The following KIAA1671 variants were observed in gnomAD, a reference collection of about 807,000 sequenced individuals.
KIAA1671 encodes the protein KIAA1671.
Under a neutral mutation model 131.2 loss-of-function variants are expected in KIAA1671, and 52 were observed. The ratio of observed to expected loss-of-function variants is 0.40; its 90% CI spans 0.32 to 0.50. The LOEUF is 0.50. Among genes scored for constraint, KIAA1671 ranks in the 20% least tolerant of loss-of-function variants. KIAA1671 has a pLI of 0.73. For missense variants in KIAA1671, 2,360 were observed against 2,364.2 expected (o/e 1.00, Z 0.04); for synonymous variants, 1,003 against 961.6 (o/e 1.04, Z -0.80).
chr22:24,969,516 T>C (rs1011221003), intron 1 of KIAA1671, among the ~76,000 whole-genome samples: 7 of 152,226 alleles, frequency 4.6e-5, no homozygotes, highest in African/African-American at 1.7e-4. Context: ...ACAATATTTT[T>C]CATCCGAGCT....
chr22:25,179,409 C>T lies in KIAA1671; in HGVS notation c.5074+1887C>T, dbSNP rs1406998106. ...GCGCAGTGCGGCCAGGTGCGCCTCG[C>T]GGATCTCCTTGCTGAGCTCCATTTG... On this transcript the variant is annotated intron_variant, in intron 9 of 12. Transcript: ENST00000358431. The T allele has an allele frequency of 6.8e-6, 11 of 1,611,980 alleles. No homozygotes were observed. In the African/African-American group the frequency reaches 1.3e-4, roughly 20 times the overall value.
chr22:25,044,482 G>A (rs1483592883), intron 5 of KIAA1671, among the ~76,000 whole-genome samples: 1 of 152,118 alleles, frequency 6.6e-6, no homozygotes, highest in Admixed American at 6.5e-5. Context: ...GCTCTGTCCC[G>A]CAGCCCAGCC....
chr22:25,029,194 G>C lies in KIAA1671; in HGVS notation c.1195G>C (p.Ala399Pro). 2 of 1,457,124 alleles carry C rather than the reference G, an allele frequency of 1.4e-6. No individual in the cohort carries two copies. Among genetic ancestry groups the C allele is most frequent in the Non-Finnish European group, 1.8e-6 (2 of 1,101,934 alleles). The allele number at this position is 1,457,124 out of a possible 1,614,324, so 90.3% of individuals were successfully genotyped here. Residue 399 changes from alanine to proline, a missense_variant, in exon 3 of 13, where the codon GCT (alanine) becomes CCT (proline). Transcript: ENST00000358431. ...CAAGCTGGACCCAGAGCCAGAGAAGGCTGCTGAGTCCCCCTCACCCAGGCT... is the reference window on the plus strand; with the variant it reads ...CAAGCTGGACCCAGAGCCAGAGAAGCCTGCTGAGTCCCCCTCACCCAGGCT... Reference protein sequence around the residue: ...KAKLDPEPEKAAESPSPRLGR... With the variant: ...KAKLDPEPEKPAESPSPRLGR...
chr22:25,029,349 G>A lies in KIAA1671; in HGVS notation c.1350G>A (p.Leu450=). ...GCCTGTTTCGGGAGGACAGCACCTTGGCCTTGGCAGTGGGGTCTGAATCTC... is the reference window on the plus strand; with the variant it reads ...GCCTGTTTCGGGAGGACAGCACCTTAGCCTTGGCAGTGGGGTCTGAATCTC... ...CISLFREDST[L]ALAVGSESPL... Residue 450 remains leucine, a synonymous_variant, in exon 3 of 13, where the codon TTG becomes TTA. Coordinates refer to ENST00000358431, the MANE Select transcript of KIAA1671 (RefSeq NM_001145206.2). 1 of 1,550,738 alleles carries A rather than the reference G, an allele frequency of 6.4e-7. No individual in the cohort carries two copies. Among genetic ancestry groups the A allele is most frequent in the East Asian group, 2.4e-5 (1 of 40,902 alleles).
At chr22:25,145,527 C>T (rs186699164) in intron 6 of KIAA1671, among the ~76,000 whole-genome samples, 159 of 152,344 alleles carry the variant, frequency 1.0e-3, no homozygotes, top group African/African-American at 3.7e-3. Flanking sequence ...TCCAGGTTTC[C>T]TTTGAACATG....
In KIAA1671 at chr22:25,041,099, G is replaced by T; in HGVS notation, c.3969G>T (p.Gly1323=). 1 of 1,545,238 alleles carries T rather than the reference G, an allele frequency of 6.5e-7. No homozygotes were observed. The highest frequency in any genetic ancestry group is 8.7e-7 in the Non-Finnish European group (1 of 1,143,440). The change falls in exon 5 of 13, where the codon GGG becomes GGT. Residue 1323 remains glycine (G), a synonymous_variant. Transcript: ENST00000358431. ...PIPADPRKKT[G]FAEDDRKAFA... Reference sequence around the variant, plus strand: ...CTGCGGATCCCAGGAAAAAAACGGGGTTTGCTGAGGATGACAGAAAGGCCT... The same window carrying T: ...CTGCGGATCCCAGGAAAAAAACGGGTTTTGCTGAGGATGACAGAAAGGCCT...
chr22:25,087,737 C>G (rs1369275842), intron 6 of KIAA1671, among the ~76,000 whole-genome samples: 1 of 152,208 alleles, frequency 6.6e-6, no homozygotes, highest in African/African-American at 2.4e-5. Context: ...CTTGAGTCAA[C>G]GTGGTCCATT....
At chr22:25,038,564 T>C (rs2145803582) in intron 4 of KIAA1671, among the ~76,000 whole-genome samples, 196 bp from the exon 5 acceptor site, 1 of 152,348 alleles carries the variant, frequency 6.6e-6, no homozygotes, top group East Asian at 1.9e-4. Flanking sequence ...TCGGGTTCAT[T>C]TATGTTCTCT....
chr22:25,150,770 C>T (rs987592786), intron 6 of KIAA1671, among the ~76,000 whole-genome samples: 1 of 151,190 alleles, frequency 6.6e-6, no homozygotes, highest in African/African-American at 2.4e-5. Context: ...TCCTCAAGTC[C>T]GTGGGTGGGA....
chr22:25,054,715 A>G (rs1350268144), intron 6 of KIAA1671: 1 of 149,262 alleles, frequency 6.7e-6, no homozygotes, highest in African/African-American at 2.5e-5. Flanking sequence ...ATGTGCTTTA[A>G]TTTAATTTGA....
At chr22:25,180,724 T>A (rs1334977404) in intron 9 of KIAA1671, among the ~76,000 whole-genome samples, 1 of 152,202 alleles carries the variant, frequency 6.6e-6, no homozygotes, top group Admixed American at 6.5e-5. Context: ...GGGGCATTGC[T>A]TCTGACCAGA....
At chr22:24,995,937 GGGA>G (rs1924111124) in intron 1 of KIAA1671, among the ~76,000 whole-genome samples, 1 of 152,202 alleles carries the variant, frequency 6.6e-6, no homozygotes, top group African/African-American at 2.4e-5. Flanking sequence ...TACAGACAAG[GGGA>G]GGAGACTGGG....
chr22:25,114,206 T>A (rs562171618), intron 6 of KIAA1671, among the ~76,000 whole-genome samples: 1 of 152,236 alleles, frequency 6.6e-6, no homozygotes, highest in South Asian at 2.1e-4. Context: ...GTAGCCACCC[T>A]ACTGGGTGGT....
At chr22:24,997,286 T>C (rs907276006) in intron 1 of KIAA1671, among the ~76,000 whole-genome samples, 2 of 151,930 alleles carry the variant, frequency 1.3e-5, no homozygotes, top group Non-Finnish European at 2.9e-5. Context: ...CTGGAAGAAG[T>C]GGTATCTAAT....
intron 1 of KIAA1671, among the ~76,000 whole-genome samples, chr22:25,020,002 C>T (rs891111789): frequency 2.0e-5 from 3 of 152,186 alleles, no homozygotes; most frequent in African/African-American, 7.2e-5. Context: ...TTAGATAACA[C>T]TGCAAAGGAC....
intron 10 of KIAA1671, among the ~76,000 whole-genome samples, chr22:25,184,417 G>A (rs1485095269): frequency 6.6e-6 from 1 of 152,142 alleles, no homozygotes; most frequent in Non-Finnish European, 1.5e-5. Context: ...CTGTTGCTGG[G>A]GGCTGACCCA....
intron 6 of KIAA1671, among the ~76,000 whole-genome samples, chr22:25,168,348 T>C (rs1241367059): frequency 6.6e-6 from 1 of 152,208 alleles, no homozygotes; most frequent in Non-Finnish European, 1.5e-5. Context: ...TCAGTAAATA[T>C]CTGTTGTGTA....
At chr22:25,183,204 A>G (rs1229513358) in intron 10 of KIAA1671, among the ~76,000 whole-genome samples, 1 of 152,222 alleles carries the variant, frequency 6.6e-6, no homozygotes, top group East Asian at 1.9e-4. Flanking sequence ...GGAATTTCTC[A>G]ACTCTGTGTA....
Position 25,039,942 on chromosome 22 carries a change from G to A in KIAA1671, c.2812G>A (p.Gly938Ser), listed in dbSNP as rs886871438. The A allele has an allele frequency of 2.6e-6, 4 of 1,551,448 alleles. No individual in the cohort carries two copies. The highest frequency in any genetic ancestry group is 3.9e-5 in the Admixed American group (2 of 50,990). ...GCCTGCAGTCAGAATGCGGAAAGCC[G>A]GCGCCATGGACCAGAGAATGGACAG... ...PQPAVRMRKA[G>S]AMDQRMDRWR... The change falls in exon 5 of 13, where the codon GGC becomes AGC. Residue 938 changes from glycine (G) to serine (S), a missense_variant. Transcript: ENST00000358431.
Sources: allele counts gnomAD v4.1 joint callset (sites outside exome capture counted in the v4.1 genomes callset), GRCh38; gene constraint gnomAD v4.1.1; transcripts MANE v1.5; gene names NCBI Gene and HGNC (gene_info 2026-07-23, HGNC 2026-07-21).